The following PTPRD variants were observed in gnomAD, a reference collection of about 807,000 sequenced individuals.
The protein encoded by PTPRD is receptor-type tyrosine-protein phosphatase delta.
A neutral mutation model predicts 214.5 loss-of-function variants in PTPRD; 34 were observed. The ratio of observed to expected loss-of-function variants is 0.16; its 90% CI spans 0.12 to 0.21. PTPRD has a LOEUF of 0.21. Among genes scored for constraint, PTPRD ranks in the 10% least tolerant of loss-of-function variants. The pLI is 1.00. For missense variants in PTPRD, 2,545 were observed against 2,398.7 expected, an observed-to-expected ratio of 1.06 and a Z score of -1.27; for synonymous variants, 1,128 against 845.7, an observed-to-expected ratio of 1.33 and a Z score of -5.79.
intron 11 of PTPRD, among the ~76,000 whole-genome samples, chr9:8,830,427 G>C (rs1304518795): frequency 1.3e-5 from 2 of 151,980 alleles, no homozygotes; most frequent in African/African-American, 4.8e-5. Context: ...AAGTCCACAA[G>C]AAACAAAAAA....
intron 5 of PTPRD, among the ~76,000 whole-genome samples, chr9:9,859,519 A>G (rs1012553984): frequency 1.3e-5 from 2 of 152,198 alleles, no homozygotes; most frequent in Non-Finnish European, 2.9e-5. Flanking sequence ...AATTGCACCA[A>G]AATAAGTTTA....
chr9:8,879,327 T>G (rs1328512898), intron 11 of PTPRD, among the ~76,000 whole-genome samples: 2 of 152,166 alleles, frequency 1.3e-5, no homozygotes, highest in Admixed American at 6.5e-5. Flanking sequence ...GGGTCAGTAA[T>G]GAGTACTGAC....
chr9:8,525,270 C>G (rs2073798676), intron 17 of PTPRD: 1 of 632,470 alleles, frequency 1.6e-6, no homozygotes, highest in Admixed American at 2.3e-5. Flanking sequence ...ATCTCTTTTC[C>G]CAAGCAAGAC....
At chr9:8,701,210 A>G (rs1373562684) in intron 12 of PTPRD, among the ~76,000 whole-genome samples, 1 of 152,206 alleles carries the variant, frequency 6.6e-6, no homozygotes, top group Non-Finnish European at 1.5e-5. Flanking sequence ...TCAGGGGGAA[A>G]AAAAATAAGA....
intron 2 of PTPRD, among the ~76,000 whole-genome samples, chr9:10,488,191 C>A (rs942343445): frequency 3.3e-5 from 5 of 151,808 alleles, no homozygotes. Flanking sequence ...CACGATGAAA[C>A]CCCATCTCTA....
intron 11 of PTPRD, among the ~76,000 whole-genome samples, chr9:8,866,284 C>T (rs2098194118): frequency 6.6e-6 from 1 of 152,118 alleles, no homozygotes; most frequent in South Asian, 2.1e-4. Context: ...ACCATTCCTG[C>T]TTGGTTATTT....
At chr9:8,339,724 C>A (rs933205372) in intron 42 of PTPRD, among the ~76,000 whole-genome samples, 3 of 151,762 alleles carry the variant, frequency 2.0e-5, no homozygotes, top group Non-Finnish European at 4.4e-5. Context: ...CGAAATAATG[C>A]TTACATCAAG....
intron 11 of PTPRD, among the ~76,000 whole-genome samples, chr9:8,914,274 T>A (rs2098769232): frequency 6.6e-6 from 1 of 152,146 alleles, no homozygotes. Flanking sequence ...GCATTTGAAT[T>A]TTGAAGATAT....
intron 14 of PTPRD, among the ~76,000 whole-genome samples, chr9:8,560,375 A>C (rs566363366): frequency 6.6e-6 from 1 of 152,108 alleles, no homozygotes; most frequent in Admixed American, 6.5e-5. Context: ...GAGTGGAAGA[A>C]AACAATACAG....
At position 8,519,955 on chromosome 9, in the gene PTPRD, T is replaced by A. The variant is rs141611885; in HGVS notation, c.961+1322A>T. Among the ~76,000 whole-genome samples the A allele has an allele frequency of 1.8e-3, 267 of 152,296 alleles. 1 individual carries two copies. Among genetic ancestry groups the A allele is most frequent in the African/African-American group, 5.9e-3 (244 of 41,584 alleles). ...ATTATAAAAAAGGTGATTCAATATT[T>A]ACACACTACTCAAAGAACTACAGAA... On this transcript the variant is annotated intron_variant, in intron 20 of 45. Transcript: ENST00000381196.
chr9:9,591,324 G>A (rs10977855), intron 7 of PTPRD, among the ~76,000 whole-genome samples: 2,047 of 152,034 alleles, frequency 0.013, 16 homozygotes, highest in Admixed American at 0.021. Flanking sequence ...AGCCAGCAAG[G>A]AAATGAAGAA....
chr9:8,632,331 C>A (rs1177932305), intron 14 of PTPRD, among the ~76,000 whole-genome samples: 1 of 151,816 alleles, frequency 6.6e-6, no homozygotes, highest in African/African-American at 2.4e-5. Flanking sequence ...GTAAAACCAT[C>A]CCTCCATGGG....
At chr9:8,321,638 A>C (rs1220176815) in intron 44 of PTPRD, among the ~76,000 whole-genome samples, 1 of 151,190 alleles carries the variant, frequency 6.6e-6, no homozygotes, top group African/African-American at 2.4e-5. Context: ...GTACCTATAC[A>C]TATAAGGATG....
intron 3 of PTPRD, among the ~76,000 whole-genome samples, chr9:10,046,455 T>C (rs1017504408): frequency 1.4e-4 from 21 of 151,846 alleles, no homozygotes; most frequent in African/African-American, 4.8e-4. Flanking sequence ...AATCCTGTAA[T>C]CTTTTTTTAC....
chr9:10,268,113 A>ATCT (rs1595763451), intron 3 of PTPRD, among the ~76,000 whole-genome samples: 1 of 123,222 alleles, frequency 8.1e-6, no homozygotes, highest in African/African-American at 2.8e-5. Context: ...CCCCATCTCC[A>ATCT]TCTTTTTTTT....
chr9:9,174,907 A>G (rs1423135957), intron 10 of PTPRD, among the ~76,000 whole-genome samples: 1 of 152,044 alleles, frequency 6.6e-6, no homozygotes, highest in Non-Finnish European at 1.5e-5. Context: ...CACCAGTGTG[A>G]TGGAATTATG....
chr9:8,757,356 T>C (rs1020814680), intron 11 of PTPRD, among the ~76,000 whole-genome samples: 2 of 152,090 alleles, frequency 1.3e-5, no homozygotes, highest in African/African-American at 2.4e-5. Context: ...ATGTAGAATT[T>C]TGAGTAAAAA....
intron 14 of PTPRD, among the ~76,000 whole-genome samples, chr9:8,576,751 AC>A (rs1282560544): frequency 8.6e-5 from 13 of 151,964 alleles, no homozygotes; most frequent in Admixed American, 3.3e-4. Flanking sequence ...ATTCCCTACC[AC>A]CAAACCTTCA....
At chr9:9,088,128 C>T (rs2784543) in intron 10 of PTPRD, among the ~76,000 whole-genome samples, 78,266 of 150,758 alleles carry the variant, frequency 0.52, 21,100 homozygotes, top group Non-Finnish European at 0.59. Context: ...GTGATCTGCT[C>T]GCCTCAGCCT....
Sources: gnomAD v4.1 joint callset for allele counts (sites outside exome capture counted in the v4.1 genomes callset) on GRCh38, gnomAD v4.1.1 for gene constraint, MANE v1.5 for transcripts, NCBI Gene and HGNC (gene_info 2026-07-23, HGNC 2026-07-21) for gene names.